FRAS1: variants seen among roughly 807,000 people sequenced by gnomAD.
FRAS1 encodes the protein extracellular matrix organizing protein FRAS1.
FRAS1 carries 290 observed loss-of-function variants against 435.2 expected under a neutral mutation model. The observed-to-expected ratio is 0.67, with a 90% CI of 0.61 to 0.73. FRAS1 has a LOEUF of 0.73. Ranked by LOEUF, FRAS1 falls within the 30% of genes least tolerant of loss-of-function variation. FRAS1 has a pLI of 0.00. For synonymous variants in FRAS1, 1,800 were observed against 1,851.0 expected (o/e 0.97, Z 0.71); for missense variants, 4,860 against 5,001.5 (o/e 0.97, Z 0.85).
chr4:78,277,703 A>T (rs955649261), intron 9 of FRAS1, among the ~76,000 whole-genome samples: 2 of 152,228 alleles, frequency 1.3e-5, no homozygotes, highest in Non-Finnish European at 2.9e-5. Flanking sequence ...TTTTGTAAAA[A>T]AATAAAAATT....
chr4:78,510,865 G>A (rs1244914511), intron 63 of FRAS1, among the ~76,000 whole-genome samples: 1 of 152,192 alleles, frequency 6.6e-6, no homozygotes, highest in Non-Finnish European at 1.5e-5. Flanking sequence ...TTCCTGGGAA[G>A]GAAGCATATT....
At chr4:78,319,035 G>A in intron 18 of FRAS1, 49 bp downstream of exon 18, 2 of 1,568,788 alleles carry the variant, frequency 1.3e-6, no homozygotes, top group South Asian at 1.1e-5. Flanking sequence ...CTTATCTCTT[G>A]AGAGATCCTG....
At chr4:78,443,883 T>C (rs1718678186) in intron 41 of FRAS1, among the ~76,000 whole-genome samples, 1 of 152,152 alleles carries the variant, frequency 6.6e-6, no homozygotes, top group East Asian at 1.9e-4. Flanking sequence ...GGGTCTCGCC[T>C]CATTGCCCAG....
intron 70 of FRAS1, among the ~76,000 whole-genome samples, chr4:78,531,260 A>G (rs1721703444): frequency 6.6e-6 from 1 of 152,202 alleles, no homozygotes; most frequent in African/African-American, 2.4e-5. Flanking sequence ...GGGGTTTTCT[A>G]AATATACAAT....
At position 78,521,514 on chromosome 4, in the gene FRAS1, C is replaced by G. The variant is rs1186252765; in HGVS notation, c.10541-9C>G. The G allele has an allele frequency of 1.6e-5, 26 of 1,604,054 alleles. No individual in the cohort carries two copies. The highest frequency in any genetic ancestry group is 2.1e-5 in the Non-Finnish European group (25 of 1,173,702). ...TGCCCTAGCATTTTCTCTCTGCTTTCCTGCCCAGGAATCCAGACAGACAGC... is the reference window on the plus strand; with the variant it reads ...TGCCCTAGCATTTTCTCTCTGCTTTGCTGCCCAGGAATCCAGACAGACAGC... On this transcript the variant is annotated splice_polypyrimidine_tract_variant and intron_variant, in intron 67 of 73. Coordinates refer to ENST00000512123, the MANE Select transcript of FRAS1 (RefSeq NM_025074.7).
chr4:78,486,782 C>A (rs34435856), intron 58 of FRAS1, among the ~76,000 whole-genome samples: 33,203 of 150,932 alleles, frequency 0.22, 4,180 homozygotes, highest in African/African-American at 0.33. Context: ...TGTTTCTGGG[C>A]AGGCAATCAG....
rs1169949693 is a variant in FRAS1, at chr4:78,181,102, C to G, written c.109-56408C>G. On this transcript the variant is annotated intron_variant, in intron 2 of 73. Transcript: ENST00000512123. ...ACTGAATCCTCAGCATAAGCCTCTT[C>G]ACTCTTTGATTTATGAAAACAAATC... The G allele has an allele frequency of 2.4e-5, 38 of 1,564,212 alleles. No individual in the cohort carries two copies. The Admixed American group carries it at 5.8e-4, about 24-fold the overall frequency.
chr4:78,509,135 A>C, intron 63 of FRAS1, 129 bp downstream of exon 63: 1 of 1,033,436 alleles, frequency 9.7e-7, no homozygotes, highest in South Asian at 1.5e-5. Flanking sequence ...AAGCAGGTGC[A>C]CAGTCTTTTT....
At chr4:78,164,454 A>G (rs1721259956) in intron 2 of FRAS1, among the ~76,000 whole-genome samples, 1 of 152,176 alleles carries the variant, frequency 6.6e-6, no homozygotes, top group Non-Finnish European at 1.5e-5. Flanking sequence ...TTAAGAAAAT[A>G]TAAGAAAATA....
At chr4:78,088,814 C>T (rs1177667516) in intron 2 of FRAS1, among the ~76,000 whole-genome samples, 2 of 152,142 alleles carry the variant, frequency 1.3e-5, no homozygotes, top group African/African-American at 4.8e-5. Flanking sequence ...AATAGGGACA[C>T]TTTTACACTG....
At chr4:78,251,467 C>T (rs1484804984) in intron 4 of FRAS1, among the ~76,000 whole-genome samples, 1 of 152,038 alleles carries the variant, frequency 6.6e-6, no homozygotes, top group Non-Finnish European at 1.5e-5. Flanking sequence ...TAATAATTAC[C>T]ACAATCAAAT....
rs567700446 is a variant in FRAS1, at chr4:78,518,458, T to A, written c.10390-873T>A. 6.9e-3 allele frequency among the ~76,000 whole-genome samples: 650 copies of A among 94,860 alleles called. 5 individuals are homozygous for A. The highest frequency in any genetic ancestry group is 0.025 in the African/African-American group (599 of 24,010). 62.2% of individuals were successfully genotyped at this position (94,860 alleles called of 152,430 possible). On this transcript the variant is annotated intron_variant, in intron 66 of 73. Transcript: ENST00000512123. ...TATATATATATATATATATATTTAT[T>A]TATTTATTTATTTGTGGAAAAAAGT...
chr4:78,118,483 G>A (rs553541308), intron 2 of FRAS1, among the ~76,000 whole-genome samples: 74 of 152,002 alleles, frequency 4.9e-4, no homozygotes, highest in South Asian at 2.5e-3. Context: ...CGAGCTTCCC[G>A]GCTGCTTTGT....
At chr4:78,077,197 AAC>A (rs10535451) in intron 2 of FRAS1, among the ~76,000 whole-genome samples, 95,828 of 149,906 alleles carry the variant, frequency 0.64, 31,070 homozygotes, top group East Asian at 0.87. Context: ...GACACACAGA[AAC>A]ACACACACAC....
At chr4:78,076,056 T>C (rs1220484961) in intron 2 of FRAS1, among the ~76,000 whole-genome samples, 2 of 152,190 alleles carry the variant, frequency 1.3e-5, no homozygotes, top group Non-Finnish European at 1.5e-5. Context: ...GATTAGTATA[T>C]TGTTGGAGAT....
At position 78,358,418 on chromosome 4, in the gene FRAS1, T is replaced by G. The variant is rs142367089; in HGVS notation, c.2423-5095T>G. On this transcript the variant is annotated intron_variant, in intron 20 of 73. Coordinates refer to ENST00000512123, the MANE Select transcript of FRAS1 (RefSeq NM_025074.7). ...CTGGAATGAAATTTATAATATCAATTAAGAATTTTACATTTTTTTCATGCT... is the reference window on the plus strand; with the variant it reads ...CTGGAATGAAATTTATAATATCAATGAAGAATTTTACATTTTTTTCATGCT... Among the ~76,000 whole-genome samples, 421 of 152,294 alleles carry G rather than the reference T, an allele frequency of 2.8e-3. 2 individuals carry two copies. Among genetic ancestry groups the G allele is most frequent in the African/African-American group, 9.8e-3 (409 of 41,548 alleles).
chr4:78,293,448 C>T (rs1279700206), intron 14 of FRAS1, among the ~76,000 whole-genome samples: 1 of 152,202 alleles, frequency 6.6e-6, no homozygotes, highest in Non-Finnish European at 1.5e-5. Flanking sequence ...ACTATTTGCT[C>T]CTTGTCAGCA....
chr4:78,382,132 T>C (rs1044944933), intron 27 of FRAS1, among the ~76,000 whole-genome samples: 2 of 152,236 alleles, frequency 1.3e-5, no homozygotes, highest in African/African-American at 4.8e-5. Context: ...GTAGTTGCCA[T>C]CACTGGAACA....
chr4:78,136,713 T>A (rs540633571), intron 2 of FRAS1, among the ~76,000 whole-genome samples: 1 of 152,272 alleles, frequency 6.6e-6, no homozygotes, highest in Admixed American at 6.5e-5. Context: ...AGAACCCAAG[T>A]CTTGGACATA....
Sources: allele counts gnomAD v4.1 joint callset (sites outside exome capture counted in the v4.1 genomes callset), GRCh38; gene constraint gnomAD v4.1.1; transcripts MANE v1.5; gene names NCBI Gene and HGNC (gene_info 2026-07-23, HGNC 2026-07-21).